Variants in IRF2 observed in about 807,000 individuals in gnomAD.
IRF2 encodes interferon regulatory factor 2.
Under a neutral mutation model 40.6 loss-of-function variants are expected in IRF2, and 15 were observed. The ratio of observed to expected loss-of-function variants is 0.37; its 90% CI spans 0.25 to 0.57. The LOEUF is 0.57. IRF2 is among the 20% of genes least tolerant of loss of function. The probability of loss-of-function intolerance (pLI) is 0.77; values close to 1 mark genes in which losing one functional copy is unlikely to be tolerated. For synonymous variants in IRF2, 151 were observed against 165.5 expected, an observed-to-expected ratio of 0.91 and a Z score of 0.67; for missense variants, 317 against 455.7, an observed-to-expected ratio of 0.70 and a Z score of 2.77.
At position 184,440,287 on chromosome 4, in the gene IRF2, G is replaced by A. The variant is rs376840160; in HGVS notation, c.-6-11217C>T. Among the ~76,000 whole-genome samples the A allele has an allele frequency of 3.9e-5, 6 of 152,282 alleles. No homozygotes were observed. In the South Asian group the frequency reaches 6.2e-4, roughly 16 times the overall value. On this transcript the variant is annotated intron_variant, in intron 1 of 8. Coordinates refer to ENST00000393593, the MANE Select transcript of IRF2 (RefSeq NM_002199.4). ...GTTCAGGGGCTCTCCGCTCTGCCCC[G>A]AGCTGCTGCAGCGTCCCTGTCCCGG...
intron 6 of IRF2, 23 bp from the exon 7 acceptor site, chr4:184,399,102 A>G (rs74960894): frequency 0.013 from 20,229 of 1,566,152 alleles, 205 homozygotes; most frequent in Middle Eastern, 0.048. Context: ...GACAGCCATC[A>G]TGCAAAGTCT....
intron 1 of IRF2, among the ~76,000 whole-genome samples, chr4:184,455,979 A>C (rs1170690874): frequency 6.6e-6 from 1 of 152,252 alleles, no homozygotes; most frequent in Non-Finnish European, 1.5e-5. Flanking sequence ...TGCAAAGACG[A>C]AGGTGGGCAC....
At chr4:184,396,953 AAAC>A (rs200397606) in intron 7 of IRF2, among the ~76,000 whole-genome samples, 7 of 152,042 alleles carry the variant, frequency 4.6e-5, no homozygotes, top group South Asian at 2.1e-4. Flanking sequence ...CAACAACAAC[AAAC>A]AACAACAACA....
intron 1 of IRF2, among the ~76,000 whole-genome samples, chr4:184,449,439 C>G (rs1738634666): frequency 6.6e-6 from 1 of 152,234 alleles, no homozygotes. Flanking sequence ...AAAGTCAATT[C>G]TGTTTTGTTC....
intron 1 of IRF2, among the ~76,000 whole-genome samples, chr4:184,438,463 C>T (rs1738168719): frequency 6.6e-6 from 1 of 152,192 alleles, no homozygotes; most frequent in Non-Finnish European, 1.5e-5. Context: ...GAAACGTTTG[C>T]TTCCATTTAA....
At chr4:184,393,672 C>T (rs973462585) in intron 7 of IRF2, among the ~76,000 whole-genome samples, 7 of 152,204 alleles carry the variant, frequency 4.6e-5, no homozygotes, top group Non-Finnish European at 5.9e-5. Context: ...GACACAAATG[C>T]GAGTTAAAGA....
intron 1 of IRF2, among the ~76,000 whole-genome samples, chr4:184,465,953 C>G (rs1211534756): frequency 6.6e-6 from 1 of 152,132 alleles, no homozygotes; most frequent in Non-Finnish European, 1.5e-5. Context: ...AATGTAGAAT[C>G]CTGACTACAG....
At chr4:184,462,495 T>C (rs1442618736) in intron 1 of IRF2, among the ~76,000 whole-genome samples, 1 of 152,202 alleles carries the variant, frequency 6.6e-6, no homozygotes, top group Non-Finnish European at 1.5e-5. Context: ...TTCAAAAGAA[T>C]TTCATCGCCT....
chr4:184,429,592 C>T (rs1178832007), intron 1 of IRF2, among the ~76,000 whole-genome samples: 2 of 152,296 alleles, frequency 1.3e-5, no homozygotes, highest in East Asian at 3.9e-4. Context: ...ATTTGGCTTT[C>T]CCAAAGTTTT....
At chr4:184,471,421 TA>T (rs1368802681) in intron 1 of IRF2, among the ~76,000 whole-genome samples, 4 of 152,368 alleles carry the variant, frequency 2.6e-5, no homozygotes, top group African/African-American at 9.6e-5. Flanking sequence ...ATAGATGTTC[TA>T]AGGATATTTA....
At chr4:184,393,501 G>A (rs1736332992) in intron 7 of IRF2, among the ~76,000 whole-genome samples, 1 of 152,206 alleles carries the variant, frequency 6.6e-6, no homozygotes, top group African/African-American at 2.4e-5. Context: ...GTGCAGGAGG[G>A]GCTGGAAGTC....
chr4:184,441,535 C>G (rs143180383), intron 1 of IRF2, among the ~76,000 whole-genome samples: 1 of 152,318 alleles, frequency 6.6e-6, no homozygotes, highest in East Asian at 1.9e-4. Flanking sequence ...ACTCTGCAAA[C>G]TTAATCACCT....
chr4:184,427,777 C>A (rs1937390830), intron 2 of IRF2, among the ~76,000 whole-genome samples: 1 of 152,158 alleles, frequency 6.6e-6, no homozygotes, highest in South Asian at 2.1e-4. Context: ...ACTGCAATAT[C>A]CTGTTCCCTT....
intron 1 of IRF2, among the ~76,000 whole-genome samples, chr4:184,460,685 GCA>G (rs1005091630): frequency 3.7e-5 from 4 of 109,542 alleles, no homozygotes; most frequent in Non-Finnish European, 6.2e-5. Flanking sequence ...ACACATGCAC[GCA>G]CACACACACA....
chr4:184,465,571 C>T (rs1312059786), intron 1 of IRF2, among the ~76,000 whole-genome samples: 1 of 152,092 alleles, frequency 6.6e-6, no homozygotes, highest in Non-Finnish European at 1.5e-5. Flanking sequence ...CCAATATACA[C>T]ATATGTTTTA....
intron 6 of IRF2, among the ~76,000 whole-genome samples, chr4:184,401,911 C>A (rs1484949839): frequency 6.6e-6 from 1 of 152,236 alleles, no homozygotes; most frequent in Non-Finnish European, 1.5e-5. Flanking sequence ...GGACTACAAA[C>A]AATGGCAGCA....
intron 7 of IRF2, among the ~76,000 whole-genome samples, chr4:184,395,255 C>CA (rs888024686): frequency 7.9e-5 from 12 of 151,310 alleles, no homozygotes; most frequent in African/African-American, 1.9e-4. Context: ...ACTAAAAATA[C>CA]AAAAAAAATT....
At chr4:184,438,682 C>T (rs969922789) in intron 1 of IRF2, among the ~76,000 whole-genome samples, 8 of 152,166 alleles carry the variant, frequency 5.3e-5, no homozygotes, top group South Asian at 4.1e-4. Flanking sequence ...CAGGCGTGAG[C>T]CCCGCGCCTG....
In IRF2 at chr4:184,448,501, G is replaced by C. The variant is rs1738597274; in HGVS notation, c.-6-19431C>G. Among the ~76,000 whole-genome samples, 1 of 152,178 alleles carries C rather than the reference G, an allele frequency of 6.6e-6. No individual in the cohort carries two copies. The highest frequency in any genetic ancestry group is 6.5e-5 in the Admixed American group (1 of 15,288). ...GAAATAAGACGGCCAAAGAGCTCTCGTGCGTATTTGAGAGAAAAGCGCTCA... is the reference window on the plus strand; with the variant it reads ...GAAATAAGACGGCCAAAGAGCTCTCCTGCGTATTTGAGAGAAAAGCGCTCA... On this transcript the variant is annotated intron_variant, in intron 1 of 8. Coordinates refer to ENST00000393593, the MANE Select transcript of IRF2 (RefSeq NM_002199.4). This position sits in a 1 kb window ranked among gnomAD's most constrained non-coding sequence, Gnocchi z 4.3.
Sources: gnomAD v4.1 joint callset for allele counts (sites outside exome capture counted in the v4.1 genomes callset) on GRCh38, gnomAD v4.1.1 for gene constraint, Gnocchi (gnomAD v3.1) non-coding constraint, MANE v1.5 for transcripts, NCBI Gene and HGNC (gene_info 2026-07-23, HGNC 2026-07-21) for gene names.